Variants in PPP1R16B observed in about 807,000 individuals in gnomAD.
PPP1R16B encodes protein phosphatase 1 regulatory subunit 16B, also known as protein phosphatase 1 regulatory inhibitor subunit 16B.
In PPP1R16B, 14 loss-of-function variants were observed where a neutral mutation model predicts 61.7. The observed-to-expected ratio is 0.23, with a 90% CI of 0.15 to 0.35. The LOEUF (loss-of-function observed/expected upper bound fraction) is 0.35, where lower values mean the gene tolerates loss of function less well. Among genes scored for constraint, PPP1R16B ranks in the 10% least tolerant of loss-of-function variants. PPP1R16B has a pLI of 1.00. For missense variants in PPP1R16B, 547 were observed against 752.5 expected (o/e 0.73, Z 3.19); for synonymous variants, 266 against 305.3 (o/e 0.87, Z 1.34).
chr20:38,896,187 C>T (rs866351449), intron 4 of PPP1R16B, among the ~76,000 whole-genome samples: 7 of 95,674 alleles, frequency 7.3e-5, no homozygotes, highest in African/African-American at 2.4e-4. Flanking sequence ...TCTTCCCTCC[C>T]TTCCTTCTTT....
intron 4 of PPP1R16B, 141 bp downstream of exon 4, chr20:38,895,851 C>CCTTCTTTCTTCCCTCCCTTCCTCCTTT (rs2085333676): frequency 1.3e-6 from 1 of 774,722 alleles, no homozygotes; most frequent in African/African-American, 2.2e-5. Flanking sequence ...CTTCCTCCTT[C>CCTTCTTTCTTCCCTCCCTTCCTCCTTT]CTTCTTTCTT....
chr20:38,847,830 C>T (rs561960801), intron 2 of PPP1R16B, among the ~76,000 whole-genome samples: 7 of 152,068 alleles, frequency 4.6e-5, no homozygotes, highest in South Asian at 4.2e-4. Flanking sequence ...TTCTGCAGTG[C>T]GTGTATGTGT....
chr20:38,897,669 GACCTGCT>G (rs2085360246), intron 4 of PPP1R16B, among the ~76,000 whole-genome samples: 1 of 152,168 alleles, frequency 6.6e-6, no homozygotes, highest in South Asian at 2.1e-4. Flanking sequence ...ATTTTTTAAG[GACCTGCT>G]ATACTGTTTT....
intron 2 of PPP1R16B, among the ~76,000 whole-genome samples, chr20:38,859,376 C>T (rs536521227): frequency 2.0e-5 from 3 of 152,112 alleles, no homozygotes; most frequent in Admixed American, 2.0e-4. Flanking sequence ...GTGCAACCAT[C>T]AAAGAGGGCA....
intron 2 of PPP1R16B, among the ~76,000 whole-genome samples, chr20:38,840,038 C>T (rs1362172895): frequency 1.3e-5 from 2 of 152,232 alleles, no homozygotes; most frequent in Non-Finnish European, 2.9e-5. Flanking sequence ...ATACTGTGCT[C>T]TGTGGCAGGC....
chr20:38,889,669 A>T lies in PPP1R16B; in HGVS notation c.321+4A>T, dbSNP rs780327266. On this transcript the variant is annotated splice_donor_region_variant and intron_variant, in intron 3 of 10. Transcript: ENST00000299824. ...CGGACTCACAGCCCTACACCAGGTA[A>T]GGCCGGGCTCGTTGGGGCTCCAGGG... The T allele has an allele frequency of 2.5e-6, 4 of 1,583,380 alleles. No homozygotes were observed. The highest frequency in any genetic ancestry group is 3.5e-6 in the Non-Finnish European group (4 of 1,152,014).
intron 2 of PPP1R16B, among the ~76,000 whole-genome samples, chr20:38,863,561 G>T (rs1328247280): frequency 6.6e-6 from 1 of 152,202 alleles, no homozygotes; most frequent in Non-Finnish European, 1.5e-5. Context: ...TCCTGTTCTG[G>T]CTCCTCTGTA....
At chr20:38,850,175 C>T (rs976706082) in intron 2 of PPP1R16B, among the ~76,000 whole-genome samples, 8 of 152,168 alleles carry the variant, frequency 5.3e-5, no homozygotes, top group African/African-American at 7.2e-5. Context: ...GTCCCAGGCT[C>T]AACAAGTCCC....
At chr20:38,877,453 C>G (rs2085175526) in intron 2 of PPP1R16B, among the ~76,000 whole-genome samples, 1 of 151,992 alleles carries the variant, frequency 6.6e-6, no homozygotes, top group African/African-American at 2.4e-5. Context: ...GGATTACAGG[C>G]ACCCACCACC....
At chr20:38,908,569 G>A (rs540027882) in intron 10 of PPP1R16B, among the ~76,000 whole-genome samples, 21 of 152,332 alleles carry the variant, frequency 1.4e-4, no homozygotes, top group African/African-American at 4.6e-4. Flanking sequence ...GGAGCTGAGG[G>A]TGCTACAACT....
chr20:38,846,591 C>T (rs2084936923), intron 2 of PPP1R16B, among the ~76,000 whole-genome samples: 1 of 152,210 alleles, frequency 6.6e-6, no homozygotes, highest in African/African-American at 2.4e-5. Context: ...ATGATGACCT[C>T]ATATATCCTA....
At chr20:38,904,089 T>G in intron 6 of PPP1R16B, among the ~76,000 whole-genome samples, 1 of 147,722 alleles carries the variant, frequency 6.8e-6, no homozygotes, top group Non-Finnish European at 1.5e-5. Flanking sequence ...TCCTGAGCTC[T>G]CACATCTGTT....
intron 2 of PPP1R16B, among the ~76,000 whole-genome samples, chr20:38,853,964 C>T (rs1215521374): frequency 1.3e-5 from 2 of 152,212 alleles, no homozygotes; most frequent in Admixed American, 6.5e-5. Flanking sequence ...ATCACGTGGC[C>T]AAGCTCAGAG....
chr20:38,850,261 A>G (rs2084959743), intron 2 of PPP1R16B, among the ~76,000 whole-genome samples: 1 of 152,108 alleles, frequency 6.6e-6, no homozygotes, highest in Non-Finnish European at 1.5e-5. Flanking sequence ...CAATGCTATG[A>G]TTGGTCTGGT....
chr20:38,891,223 G>C (rs1339567494), intron 3 of PPP1R16B, among the ~76,000 whole-genome samples: 1 of 152,188 alleles, frequency 6.6e-6, no homozygotes, highest in Non-Finnish European at 1.5e-5. Flanking sequence ...AGTCAGGCTT[G>C]TGGCCCGGAG....
At chr20:38,807,541 CCAGCT>C in intron 1 of PPP1R16B, among the ~76,000 whole-genome samples, 1 of 152,150 alleles carries the variant, frequency 6.6e-6, no homozygotes, top group Admixed American at 6.5e-5. Context: ...TCATAAAAAG[CCAGCT>C]TGCAGGAGGC....
rs116218460 is a variant in PPP1R16B, at chr20:38,916,830, C to T, written c.1195-1327C>T. On this transcript the variant is annotated intron_variant, in intron 10 of 10. Transcript: ENST00000299824. ...ACACTGAGTAATAACACACTTTAAA[C>T]GTATTTGTCAGTGTGATATCCAAAA... Among the ~76,000 whole-genome samples the T allele has an allele frequency of 7.1e-3, 1,075 of 152,018 alleles. 9 individuals carry two copies. Among genetic ancestry groups the T allele is most frequent in the African/African-American group, 0.02 (810 of 41,496 alleles).
At chr20:38,870,184 C>G (rs749661291) in intron 2 of PPP1R16B, among the ~76,000 whole-genome samples, 1 of 152,062 alleles carries the variant, frequency 6.6e-6, no homozygotes, top group Non-Finnish European at 1.5e-5. Context: ...GTGATCCACC[C>G]GCCTTGGCCT....
intron 1 of PPP1R16B, among the ~76,000 whole-genome samples, chr20:38,824,794 A>G (rs578073288): frequency 6.6e-6 from 1 of 152,386 alleles, no homozygotes; most frequent in East Asian, 1.9e-4. Flanking sequence ...TTTGTGAGGC[A>G]AAGATGGATG....
Sources: allele counts gnomAD v4.1 joint callset (sites outside exome capture counted in the v4.1 genomes callset), GRCh38; gene constraint gnomAD v4.1.1; transcripts MANE v1.5; gene names NCBI Gene and HGNC (gene_info 2026-07-23, HGNC 2026-07-21).